Variants in EEPD1 observed in about 807,000 individuals in gnomAD.
EEPD1 encodes endonuclease/exonuclease/phosphatase family domain containing 1.
EEPD1 carries 17 observed loss-of-function variants against 46.3 expected under a neutral mutation model. That is an observed-to-expected ratio of 0.37 (90% CI 0.25 to 0.55). The LOEUF is 0.55. Among genes scored for constraint, EEPD1 ranks in the 20% least tolerant of loss-of-function variants. EEPD1 has a pLI of 0.83. For synonymous variants in EEPD1, 313 were observed against 315.6 expected (o/e 0.99, Z 0.09); for missense variants, 673 against 745.6 (o/e 0.90, Z 1.13).
chr7:36,293,645 A>AC (rs1787481661), intron 6 of EEPD1, among the ~76,000 whole-genome samples: 1 of 151,802 alleles, frequency 6.6e-6, no homozygotes, highest in Admixed American at 6.6e-5. Flanking sequence ...GAAAAGGAAC[A>AC]CCCCCACCCC....
intron 2 of EEPD1, among the ~76,000 whole-genome samples, chr7:36,197,436 G>A (rs1396129019): frequency 6.6e-6 from 1 of 152,242 alleles, no homozygotes; most frequent in East Asian, 1.9e-4. Flanking sequence ...ATTGAGAACG[G>A]GCCATGATGA....
rs1787605669 is a variant in EEPD1 at position 36,300,592 on chromosome 7, C to G, written c.*1386C>G. On this transcript the variant is annotated 3_prime_UTR_variant, in exon 8 of 8. Transcript: ENST00000242108. Reference sequence around the variant, plus strand: ...GGAAGCTGAGGACTTATTCCGCTTTCCACACCGAACACTAAATGTGGACCA... The same window carrying G: ...GGAAGCTGAGGACTTATTCCGCTTTGCACACCGAACACTAAATGTGGACCA... The G allele has an allele frequency of 6.6e-6, 1 of 152,256 alleles. No homozygotes were observed. The highest frequency in any genetic ancestry group is 2.1e-4 in the South Asian group (1 of 4,836). The allele number at this position is 152,256 out of a possible 1,614,324, so 9.4% of individuals were successfully genotyped here. A position where few individuals can be genotyped will look rare whatever the true frequency, so the allele number is the denominator to read the frequency against.
intron 3 of EEPD1, among the ~76,000 whole-genome samples, chr7:36,274,898 A>G (rs1375797394): frequency 4.6e-5 from 7 of 152,120 alleles, no homozygotes; most frequent in Admixed American, 1.3e-4. Context: ...CCTGTGTCCT[A>G]TTGTATTCTA....
intron 2 of EEPD1, among the ~76,000 whole-genome samples, chr7:36,203,164 T>G (rs118078613): frequency 0.014 from 2,104 of 152,296 alleles, 21 homozygotes; most frequent in South Asian, 0.023. Flanking sequence ...TGGTAAGTGG[T>G]GCTCATGACA....
At chr7:36,239,330 T>C (rs1226991075) in intron 3 of EEPD1, among the ~76,000 whole-genome samples, 1 of 152,134 alleles carries the variant, frequency 6.6e-6, no homozygotes, top group East Asian at 1.9e-4. Context: ...TTTCTGTGCT[T>C]TCAGCCATTA....
Position 36,188,236 on chromosome 7 carries a change from C to T in EEPD1, c.878+33034C>T, listed in dbSNP as rs947394284. Among the ~76,000 whole-genome samples the T allele has an allele frequency of 2.0e-5, 3 of 152,130 alleles. No individual in the cohort carries two copies. The South Asian group carries it at 6.2e-4, about 32-fold the overall frequency. ...CTTTCTCTCTCTCTCTTTCCATAAG[C>T]CTTATTAGTTGTACTACAGCATTTT... is the stretch of plus-strand genomic sequence containing the variant. On this transcript the variant is annotated intron_variant, in intron 2 of 7. Coordinates refer to ENST00000242108, the MANE Select transcript of EEPD1 (RefSeq NM_030636.3).
At chr7:36,179,127 AC>A (rs1207720769) in intron 2 of EEPD1, among the ~76,000 whole-genome samples, 1 of 152,226 alleles carries the variant, frequency 6.6e-6, no homozygotes, top group Non-Finnish European at 1.5e-5. Flanking sequence ...TTTAAAAGAT[AC>A]ATTTGAGTGA....
chr7:36,295,176 C>CAAA (rs34168211), intron 6 of EEPD1, among the ~76,000 whole-genome samples: 1 of 138,120 alleles, frequency 7.2e-6, no homozygotes, highest in Non-Finnish European at 1.6e-5. Flanking sequence ...GACTCTGTCT[C>CAAA]AAAAAGAAAA....
rs1785511724 is a variant in EEPD1 at position 36,193,169 on chromosome 7, G to A, written c.878+37967G>A. ...GCACAGGATTCCGTGGACATTGGCA[G>A]CAGGCATGCTCACCACATCTTGGGG... On this transcript the variant is annotated intron_variant, in intron 2 of 7. Coordinates refer to ENST00000242108, the MANE Select transcript of EEPD1 (RefSeq NM_030636.3). This position sits in a 1 kb window ranked among gnomAD's most constrained non-coding sequence, Gnocchi z 4.9. Among the ~76,000 whole-genome samples the A allele has an allele frequency of 6.6e-6, 1 of 152,236 alleles. No individual in the cohort carries two copies. Among genetic ancestry groups the A allele is most frequent in the African/African-American group, 2.4e-5 (1 of 41,456 alleles).
intron 2 of EEPD1, among the ~76,000 whole-genome samples, chr7:36,197,518 T>C (rs1419064825): frequency 6.6e-6 from 1 of 152,208 alleles, no homozygotes; most frequent in African/African-American, 2.4e-5. Context: ...GGTTGCCGTG[T>C]CTGTGTAGAA....
chr7:36,236,501 G>A (rs552079333), intron 2 of EEPD1, among the ~76,000 whole-genome samples: 70 of 152,318 alleles, frequency 4.6e-4, no homozygotes, highest in Non-Finnish European at 5.3e-4. Context: ...TTTTCCTCTT[G>A]ATTGTCTGGG....
chr7:36,175,910 G>A (rs115331460), intron 2 of EEPD1, among the ~76,000 whole-genome samples: 1 of 152,224 alleles, frequency 6.6e-6, no homozygotes, highest in Non-Finnish European at 1.5e-5. Flanking sequence ...GAAGCCAGAG[G>A]GGCTGAGCAG....
chr7:36,278,591 GCGAGGAAAA>G (rs1787217012), intron 3 of EEPD1, among the ~76,000 whole-genome samples: 1 of 152,090 alleles, frequency 6.6e-6, no homozygotes, highest in Non-Finnish European at 1.5e-5. Flanking sequence ...GGGACCCCCT[GCGAGGAAAA>G]CAGTGAAGCA....
rs780708131 is a variant in EEPD1, at chr7:36,284,709, A to C, written c.1065A>C (p.Leu355=). Residue 355 remains leucine, a synonymous_variant, in exon 5 of 8, where the codon CTA becomes CTC. Transcript: ENST00000242108. The stretch of plus-strand genomic sequence containing the variant: ...AGGGAGCTGGGTATGCAGGATTCCT[A>C]TGGGACGCGGCTGCCGGCATGGAGC... ...LQKGAGYAGF[L]WDAAAGMELR... is the part of the protein sequence containing the mutation. The C allele has an allele frequency of 6.2e-7, 1 of 1,611,978 alleles. No individual in the cohort carries two copies. Among genetic ancestry groups the C allele is most frequent in the Non-Finnish European group, 8.5e-7 (1 of 1,179,114 alleles).
At chr7:36,184,310 A>G (rs1785325510) in intron 2 of EEPD1, among the ~76,000 whole-genome samples, 1 of 152,212 alleles carries the variant, frequency 6.6e-6, no homozygotes, top group Non-Finnish European at 1.5e-5. Context: ...CAGGCTATAG[A>G]AAATCAGGTG....
chr7:36,169,667 C>T (rs73337069), intron 2 of EEPD1, among the ~76,000 whole-genome samples: 253 of 152,270 alleles, frequency 1.7e-3, no homozygotes, highest in African/African-American at 5.9e-3. Flanking sequence ...GTCATGGAGT[C>T]ATTGTACCAG....
rs71553052 is a variant in EEPD1 at position 36,248,994 on chromosome 7, AACACACACACACAC to A, written c.930+9986_930+9999del. On this transcript the variant is annotated intron_variant, in intron 3 of 7. Transcript: ENST00000242108. ...ATGGGCTAGGCTCTGTGGTTCATTA[AACACACACACACAC>A]ACACACACACACACACACACACACA... 1.3e-3 allele frequency among the ~76,000 whole-genome samples: 173 copies of A among 135,422 alleles called. 4 individuals carry two copies. The highest frequency in any genetic ancestry group is 5.8e-4 in the Non-Finnish European group (37 of 63,800). 88.8% of individuals were successfully genotyped at this position (135,422 alleles called of 152,430 possible).
At chr7:36,155,548 A>T (rs1286807904) in intron 2 of EEPD1, among the ~76,000 whole-genome samples, 1 of 152,218 alleles carries the variant, frequency 6.6e-6, no homozygotes, top group Non-Finnish European at 1.5e-5. Flanking sequence ...GCAGTTTCGC[A>T]TGTGAGAAAG....
At chr7:36,256,978 T>C (rs1786837172) in intron 3 of EEPD1, among the ~76,000 whole-genome samples, 1 of 152,234 alleles carries the variant, frequency 6.6e-6, no homozygotes, top group Non-Finnish European at 1.5e-5. Context: ...TTTCCATATT[T>C]AGTGCTTTTT....
Sources: allele counts gnomAD v4.1 joint callset (sites outside exome capture counted in the v4.1 genomes callset), GRCh38; gene constraint gnomAD v4.1.1; non-coding constraint Gnocchi (gnomAD v3.1); transcripts MANE v1.5; gene names NCBI Gene and HGNC (gene_info 2026-07-23, HGNC 2026-07-21).